The following TMEM132D variants were observed in gnomAD, a reference collection of about 807,000 sequenced individuals.
TMEM132D encodes transmembrane protein 132D, also known as mature OL transmembrane protein.
In TMEM132D, 21 loss-of-function variants were observed where a neutral mutation model predicts 62.3. The observed-to-expected ratio is 0.34, with a 90% confidence interval of 0.24 to 0.49. The LOEUF is 0.49. TMEM132D is among the 20% of genes least tolerant of loss of function. The pLI is 0.99. For synonymous variants in TMEM132D, 621 were observed against 575.6 expected (o/e 1.08, Z -1.13); for missense variants, 1,346 against 1,402.8 (o/e 0.96, Z 0.65).
At chr12:129,661,834 G>A (rs974174558) in intron 2 of TMEM132D, among the ~76,000 whole-genome samples, 6 of 152,130 alleles carry the variant, frequency 3.9e-5, no homozygotes, top group African/African-American at 1.4e-4. Context: ...AGATTTTATT[G>A]TGTCTGCAAG....
intron 3 of TMEM132D, among the ~76,000 whole-genome samples, chr12:129,501,057 C>A (rs746382615): frequency 6.6e-6 from 1 of 152,172 alleles, no homozygotes; most frequent in Non-Finnish European, 1.5e-5. Flanking sequence ...GTCTACGATA[C>A]CATACATAAA....
At chr12:129,553,591 T>C (rs916150201) in intron 2 of TMEM132D, among the ~76,000 whole-genome samples, 5 of 152,086 alleles carry the variant, frequency 3.3e-5, no homozygotes, top group Non-Finnish European at 7.4e-5. Flanking sequence ...ATTTCCATGG[T>C]GTAAATGTTC....
intron 3 of TMEM132D, among the ~76,000 whole-genome samples, chr12:129,384,514 G>A (rs996251461): frequency 6.7e-6 from 1 of 150,254 alleles, no homozygotes. Context: ...ACTGCTCTGT[G>A]CTTTTTTTTT....
chr12:129,676,450 C>T (rs1023933725), intron 2 of TMEM132D, among the ~76,000 whole-genome samples: 11 of 152,124 alleles, frequency 7.2e-5, no homozygotes, highest in East Asian at 5.8e-4. Flanking sequence ...TTTATAAAGA[C>T]GATAGGTTTA....
At chr12:129,439,834 T>G (rs1331741429) in intron 3 of TMEM132D, among the ~76,000 whole-genome samples, 1 of 152,210 alleles carries the variant, frequency 6.6e-6, no homozygotes, top group African/African-American at 2.4e-5. Context: ...GGATTATCCT[T>G]TCCTGCCTTG....
intron 3 of TMEM132D, among the ~76,000 whole-genome samples, chr12:129,450,620 C>T (rs1873244755): frequency 6.6e-6 from 1 of 152,150 alleles, no homozygotes; most frequent in Non-Finnish European, 1.5e-5. Context: ...GTGCTATTGG[C>T]AGCATCAGCT....
chr12:129,089,385 A>C lies in TMEM132D; in HGVS notation c.1444-4683T>G, dbSNP rs866462051. Among the ~76,000 whole-genome samples, 12 of 48,474 alleles carry C rather than the reference A, an allele frequency of 2.5e-4. 1 individual carries two copies. The highest frequency in any genetic ancestry group is 3.0e-4 in the Non-Finnish European group (9 of 30,250). The allele number at this position is 48,474 out of a possible 152,430, so 31.8% of individuals were successfully genotyped here. A position where few individuals can be genotyped will look rare whatever the true frequency, so the allele number is the denominator to read the frequency against. On this transcript the variant is annotated intron_variant, in intron 5 of 8. Coordinates refer to ENST00000422113, the MANE Select transcript of TMEM132D (RefSeq NM_133448.3). ...GTCCTCTATGACCGGGATGTCCTCC[A>C]TGACCGGGTGTCCTCCCTGACCGGG...
chr12:129,729,546 G>A (rs1240525475), intron 1 of TMEM132D, among the ~76,000 whole-genome samples: 1 of 151,856 alleles, frequency 6.6e-6, no homozygotes, highest in Non-Finnish European at 1.5e-5. Context: ...TTTCTTTCTT[G>A]CCAAAGATTG....
intron 1 of TMEM132D, among the ~76,000 whole-genome samples, chr12:129,858,820 G>A (rs1450726649): frequency 8.8e-6 from 1 of 114,112 alleles, no homozygotes; most frequent in Non-Finnish European, 1.8e-5. Context: ...GGGTGCCCTT[G>A]TAACGGAGTC....
At chr12:129,580,519 C>T (rs1021497907) in intron 2 of TMEM132D, among the ~76,000 whole-genome samples, 2 of 152,034 alleles carry the variant, frequency 1.3e-5, no homozygotes, top group Non-Finnish European at 2.9e-5. Flanking sequence ...TAAAAACCTA[C>T]AGAAACAAAT....
intron 2 of TMEM132D, among the ~76,000 whole-genome samples, chr12:129,648,493 T>C (rs1014028482): frequency 2.0e-5 from 3 of 152,192 alleles, no homozygotes; most frequent in African/African-American, 7.2e-5. Context: ...GCAATTCCCT[T>C]GTCTTCATAA....
At chr12:129,529,956 A>G (rs1002566319) in intron 3 of TMEM132D, among the ~76,000 whole-genome samples, 3 of 152,256 alleles carry the variant, frequency 2.0e-5, no homozygotes, top group Admixed American at 1.3e-4. Flanking sequence ...ACATATCACT[A>G]CATACATATC....
At chr12:129,140,577 G>T (rs956031348) in intron 5 of TMEM132D, among the ~76,000 whole-genome samples, 5 of 152,254 alleles carry the variant, frequency 3.3e-5, no homozygotes, top group African/African-American at 9.6e-5. Flanking sequence ...GGTGGCTCCT[G>T]CCTGTAATCC....
At chr12:129,522,941 A>C in intron 3 of TMEM132D, among the ~76,000 whole-genome samples, 1 of 99,298 alleles carries the variant, frequency 1.0e-5, no homozygotes, top group Non-Finnish European at 2.1e-5. Flanking sequence ...ATATATATGT[A>C]GACATAGATT....
chr12:129,771,729 G>A (rs984214682), intron 1 of TMEM132D, among the ~76,000 whole-genome samples: 2 of 152,168 alleles, frequency 1.3e-5, no homozygotes, highest in South Asian at 4.1e-4. Flanking sequence ...GGTTAACAAT[G>A]GGACATTTAC....
At chr12:129,409,653 T>C (rs941079811) in intron 3 of TMEM132D, among the ~76,000 whole-genome samples, 6 of 152,344 alleles carry the variant, frequency 3.9e-5, no homozygotes, top group African/African-American at 1.4e-4. Flanking sequence ...GTTCAATTCC[T>C]ATAAAATAAA....
chr12:129,258,918 G>A (rs527431757), intron 4 of TMEM132D, among the ~76,000 whole-genome samples: 2 of 152,318 alleles, frequency 1.3e-5, no homozygotes, highest in East Asian at 3.9e-4. Flanking sequence ...CTGGTCTGAG[G>A]TGGGGATTTG....
rs774221783 is a variant in TMEM132D, at chr12:129,101,984, G to GTTT, written c.1444-17285_1444-17283dup. On this transcript the variant is annotated intron_variant, in intron 5 of 8. Transcript: ENST00000422113. The stretch of plus-strand genomic sequence containing the variant: ...ATCAAATTTGTGATTCAAAGCTGCT[G>GTTT]TTTTTTTTTTTTTTTCTCTCTCTCT... Among the ~76,000 whole-genome samples, 55 of 126,892 alleles carry GTTT rather than the reference G, an allele frequency of 4.3e-4. 1 individual carries two copies. The highest frequency in any genetic ancestry group is 4.4e-4 in the Non-Finnish European group (28 of 63,294). 83.2% of individuals were successfully genotyped at this position (126,892 alleles called of 152,430 possible). A position where few individuals can be genotyped will look rare whatever the true frequency, so the allele number is the denominator to read the frequency against.
chr12:129,683,155 C>T (rs1246185804), intron 2 of TMEM132D: 4 of 151,802 alleles, frequency 2.6e-5, no homozygotes, highest in African/African-American at 4.8e-5. Flanking sequence ...AAAGGAATCT[C>T]GCAGTATCAG....
Sources: gnomAD v4.1 joint callset for allele counts (sites outside exome capture counted in the v4.1 genomes callset) on GRCh38, gnomAD v4.1.1 for gene constraint, MANE v1.5 for transcripts, NCBI Gene and HGNC (gene_info 2026-07-23, HGNC 2026-07-21) for gene names.